Variants in OR1J2 observed in about 807,000 individuals in gnomAD.
OR1J2 encodes olfactory receptor 1J2.
For missense variants in OR1J2, 304 were observed against 246.1 expected (o/e 1.24, Z -1.57); for synonymous variants, 142 against 99.7 (o/e 1.42, Z -2.52).
the OR1J2 span, among the ~76,000 whole-genome samples, chr9:122,556,271 G>C: frequency 3.5e-5 from 5 of 144,532 alleles, no homozygotes; most frequent in South Asian, 1.1e-3. Flanking sequence ...TGTAATGTCT[G>C]TGTCTAGATT....
At chr9:122,561,221 C>T in the OR1J2 span, among the ~76,000 whole-genome samples, 1 of 152,096 alleles carries the variant, frequency 6.6e-6, no homozygotes, top group South Asian at 2.1e-4. Context: ...CCTGATTGTT[C>T]TAGTTAGCAG....
the OR1J2 span, chr9:122,475,745 C>G: frequency 6.6e-6 from 1 of 152,170 alleles, no homozygotes; most frequent in Non-Finnish European, 1.5e-5. Flanking sequence ...CACACTACTC[C>G]CTCTTCCTGT....
chr9:122,491,099 G>A, the OR1J2 span, among the ~76,000 whole-genome samples: 1 of 152,156 alleles, frequency 6.6e-6, no homozygotes, highest in Non-Finnish European at 1.5e-5. Context: ...AATGGATATA[G>A]TAATTTTGAT....
In OR1J2 at chr9:122,511,364, C is replaced by T. The variant is rs1313302331; in HGVS notation, c.563C>T (p.Ser188Phe). Residue 188 changes from serine (S) to phenylalanine (F), a missense_variant, in exon 1 of 1, where the codon TCC becomes TTC. Coordinates refer to ENST00000335302, the MANE Select transcript of OR1J2 (RefSeq NM_054107.1). The stretch of plus-strand genomic sequence containing the variant: ...GACCTTGCTGCCCTGCTCAAGCTGT[C>T]CTGCTCAGATATCTTCCTCAATGAG... Reference protein sequence around the residue: ...FCDLAALLKLSCSDIFLNELV... With the variant: ...FCDLAALLKLFCSDIFLNELV... 1.3e-6 allele frequency: 1 copy of T among 741,058 alleles called. No homozygotes were observed. Among genetic ancestry groups the T allele is most frequent in the Non-Finnish European group, 2.5e-6 (1 of 398,786 alleles). 45.9% of individuals were successfully genotyped at this position (741,058 alleles called of 1,614,324 possible).
upstream of OR1J2, chr9:122,510,678 G>A (rs71511508): frequency 0.081 from 50,654 of 629,232 alleles, 2,438 homozygotes; most frequent in Middle Eastern, 0.12. Context: ...GCCCCAGTGT[G>A]TGTTGTTCCT....
At chr9:122,552,626 T>A in the OR1J2 span, among the ~76,000 whole-genome samples, 1 of 151,978 alleles carries the variant, frequency 6.6e-6, no homozygotes, top group African/African-American at 2.4e-5. Context: ...CCTTTGCCGC[T>A]AGTTAGGAAA....
At chr9:122,562,132 C>T in the OR1J2 span, among the ~76,000 whole-genome samples, 77 of 152,300 alleles carry the variant, frequency 5.1e-4, no homozygotes, top group African/African-American at 1.6e-3. Flanking sequence ...CTGCCACAGC[C>T]GGTGTGTTTG....
chr9:122,449,571 A>G, the OR1J2 span, among the ~76,000 whole-genome samples: 1 of 152,062 alleles, frequency 6.6e-6, no homozygotes, highest in Non-Finnish European at 1.5e-5. Flanking sequence ...GGTTTTCGCC[A>G]TGTTAGCCAG....
At chr9:122,538,162 G>A in the OR1J2 span, among the ~76,000 whole-genome samples, 1 of 109,034 alleles carries the variant, frequency 9.2e-6, no homozygotes, top group Non-Finnish European at 1.9e-5. Flanking sequence ...CAGTCCCCCT[G>A]CCCCTGCCTG....
At chr9:122,533,141 G>C in the OR1J2 span, among the ~76,000 whole-genome samples, 1 of 152,146 alleles carries the variant, frequency 6.6e-6, no homozygotes, top group African/African-American at 2.4e-5. Flanking sequence ...ACAGAATAAT[G>C]GGTTGTAGAG....
chr9:122,526,301 G>A, the OR1J2 span: 1 of 1,084,768 alleles, frequency 9.2e-7, no homozygotes, highest in Non-Finnish European at 1.3e-6. Context: ...CCAAAATGAA[G>A]CCCGTTTGTC....
chr9:122,520,535 CA>C, the OR1J2 span, among the ~76,000 whole-genome samples: 1 of 152,086 alleles, frequency 6.6e-6, no homozygotes, highest in Non-Finnish European at 1.5e-5. Flanking sequence ...TTTACAGATC[CA>C]AAAAGCTATT....
At chr9:122,487,845 T>C in the OR1J2 span, among the ~76,000 whole-genome samples, 1 of 152,204 alleles carries the variant, frequency 6.6e-6, no homozygotes, top group Non-Finnish European at 1.5e-5. Context: ...TCAACTCCTA[T>C]GGGAATATAA....
the OR1J2 span, among the ~76,000 whole-genome samples, chr9:122,571,835 T>C: frequency 4.6e-5 from 7 of 152,118 alleles, no homozygotes; most frequent in African/African-American, 1.7e-4. Flanking sequence ...TTGTCCTCTA[T>C]CACCTGCTCA....
the OR1J2 span, among the ~76,000 whole-genome samples, chr9:122,550,488 A>T: frequency 6.6e-6 from 1 of 152,192 alleles, no homozygotes; most frequent in Non-Finnish European, 1.5e-5. Context: ...AATAGATGCA[A>T]AAATTCTCCA....
chr9:122,528,849 G>T, the OR1J2 span, among the ~76,000 whole-genome samples: 2 of 152,236 alleles, frequency 1.3e-5, no homozygotes, highest in African/African-American at 2.4e-5. Flanking sequence ...AGGAAGATAC[G>T]GTATGAAAAC....
chr9:122,576,978 C>T, the OR1J2 span: 1 of 152,096 alleles, frequency 6.6e-6, no homozygotes, highest in Non-Finnish European at 1.5e-5. Flanking sequence ...AAGATCCATA[C>T]ATGTTGGACC....
the OR1J2 span, chr9:122,568,124 G>C: frequency 6.2e-7 from 1 of 1,613,990 alleles, no homozygotes; most frequent in Non-Finnish European, 8.5e-7. Context: ...CAAAGGCCAT[G>C]ACTGCCAGAA....
the OR1J2 span, among the ~76,000 whole-genome samples, chr9:122,481,579 A>G: frequency 6.6e-6 from 1 of 152,206 alleles, no homozygotes; most frequent in African/African-American, 2.4e-5. Flanking sequence ...TGAAGTCCGA[A>G]TGGCCAATAA....
Sources: gnomAD v4.1 joint callset for allele counts (sites outside exome capture counted in the v4.1 genomes callset) on GRCh38, gnomAD v4.1.1 for gene constraint, MANE v1.5 for transcripts, NCBI Gene and HGNC (gene_info 2026-07-23, HGNC 2026-07-21) for gene names.